Variants in LHFPL3 observed in about 807,000 individuals in gnomAD.
LHFPL3 encodes the protein LHFPL tetraspan subfamily member 3 protein.
Under a neutral mutation model 19.3 loss-of-function variants are expected in LHFPL3, and 5 were observed. The ratio of observed to expected loss-of-function variants is 0.26; its 90% CI spans 0.14 to 0.54. The LOEUF is 0.54. Among genes scored for constraint, LHFPL3 ranks in the 20% least tolerant of loss-of-function variants. The probability of loss-of-function intolerance (pLI) is 0.94; values close to 1 mark genes in which losing one functional copy is unlikely to be tolerated. For synonymous variants in LHFPL3, 133 were observed against 126.2 expected (o/e 1.05, Z -0.36); for missense variants, 249 against 307.4 (o/e 0.81, Z 1.42).
chr7:104,655,286 C>T (rs1792101982), intron 1 of LHFPL3, among the ~76,000 whole-genome samples: 2 of 152,184 alleles, frequency 1.3e-5, no homozygotes, highest in African/African-American at 2.4e-5. Flanking sequence ...TCAGTGCAAG[C>T]ATAGCTGGCA....
chr7:104,433,374 C>T (rs945927786), intron 1 of LHFPL3, among the ~76,000 whole-genome samples: 3 of 152,258 alleles, frequency 2.0e-5, no homozygotes, highest in South Asian at 2.1e-4. Flanking sequence ...AACCCACTCC[C>T]CCCAGGGCTC....
intron 1 of LHFPL3, among the ~76,000 whole-genome samples, chr7:104,657,427 C>A (rs554954828): frequency 4.9e-4 from 74 of 152,332 alleles, no homozygotes; most frequent in Non-Finnish European, 8.7e-4. Flanking sequence ...GGTTGAAATT[C>A]ATTCTGAAAA....
chr7:104,512,979 A>G (rs1377353298), intron 1 of LHFPL3, among the ~76,000 whole-genome samples: 5 of 152,188 alleles, frequency 3.3e-5, no homozygotes. Context: ...AACCCTAGGT[A>G]TAATTTGACA....
rs1322903098 is a variant in LHFPL3, at chr7:104,699,010, A to T, written c.446-37665A>T. Reference sequence around the variant, plus strand: ...AAGGTACCACTTCACATACAGTATAATTGGTATTATTTTTTAAAATGGAAA... The same window carrying T: ...AAGGTACCACTTCACATACAGTATATTTGGTATTATTTTTTAAAATGGAAA... On this transcript the variant is annotated intron_variant, in intron 1 of 2. Transcript: ENST00000424859. Among the ~76,000 whole-genome samples, 3 of 152,256 alleles carry T rather than the reference A, an allele frequency of 2.0e-5. No individual in the cohort carries two copies. The East Asian group carries it at 5.8e-4, about 29-fold the overall frequency.
In LHFPL3 at chr7:104,431,094, A is replaced by T. The variant is rs1364167893; in HGVS notation, c.445+101870A>T. ...TTTCCACAACTCCAATACTTCACCT[A>T]CTTATTGTTTTTTCTCTCTCTTTTC... On this transcript the variant is annotated intron_variant, in intron 1 of 2. Coordinates refer to ENST00000424859, the MANE Select transcript of LHFPL3 (RefSeq NM_199000.3). Among the ~76,000 whole-genome samples, 4 of 152,126 alleles carry T rather than the reference A, an allele frequency of 2.6e-5. 1 individual carries two copies. Among genetic ancestry groups the T allele is most frequent in the Admixed American group, 2.0e-4 (3 of 15,264 alleles).
intron 1 of LHFPL3, among the ~76,000 whole-genome samples, chr7:104,479,203 G>A (rs1194637120): frequency 1.3e-5 from 2 of 152,174 alleles, no homozygotes; most frequent in Non-Finnish European, 2.9e-5. Context: ...GCTAATCACT[G>A]TGTGCCCTTC....
intron 1 of LHFPL3, among the ~76,000 whole-genome samples, chr7:104,428,991 A>G (rs1271583768): frequency 6.6e-6 from 1 of 152,186 alleles, no homozygotes; most frequent in Non-Finnish European, 1.5e-5. Context: ...TCCACCCTGA[A>G]TTCTAAATGC....
At position 104,603,104 on chromosome 7, in the gene LHFPL3, TTCTTTCTTTCTTTC is replaced by T. The variant is rs1791009781; in HGVS notation, c.446-133569_446-133556del. Among the ~76,000 whole-genome samples, 7 of 141,578 alleles carry T rather than the reference TTCTTTCTTTCTTTC, an allele frequency of 4.9e-5. No individual in the cohort carries two copies. In the South Asian group the frequency reaches 1.4e-3, roughly 29 times the overall value. The allele number at this position is 141,578 out of a possible 152,430, so 92.9% of individuals were successfully genotyped here. A position where few individuals can be genotyped will look rare whatever the true frequency, so the allele number is the denominator to read the frequency against. On this transcript the variant is annotated intron_variant, in intron 1 of 2. Transcript: ENST00000424859. ...TTTCTTTCTTTCTTTCTTTCTTTCT[TTCTTTCTTTCTTTC>T]TTTCTTTCTTTCTTTTTTCCCTTCC...
rs1250564394 is a variant in LHFPL3 at position 104,669,623 on chromosome 7, C to T, written c.446-67052C>T. ...CTCCTAGTTTCTCTCCACCCTGGAA[C>T]ATTCGAGAGCAAATCAAAACCTCTA... On this transcript the variant is annotated intron_variant, in intron 1 of 2. Transcript: ENST00000424859. The T allele has an allele frequency of 3.3e-6, 5 of 1,517,944 alleles. No individual in the cohort carries two copies. In the East Asian group the frequency reaches 9.1e-5, roughly 28 times the overall value. 94.0% of individuals were successfully genotyped at this position (1,517,944 alleles called of 1,614,324 possible).
At chr7:104,395,132 G>T (rs1224723083) in intron 1 of LHFPL3, among the ~76,000 whole-genome samples, 1 of 151,992 alleles carries the variant, frequency 6.6e-6, no homozygotes, top group African/African-American at 2.4e-5. Context: ...GAGGAGGAGG[G>T]ATTCTAATGG....
chr7:104,885,376 T>A (rs1416187098), intron 2 of LHFPL3, among the ~76,000 whole-genome samples: 1 of 152,140 alleles, frequency 6.6e-6, no homozygotes, highest in African/African-American at 2.4e-5. Context: ...ACCTCTCCCT[T>A]GAATTCCAGA....
At chr7:104,430,405 C>CGTGT (rs1554393164) in intron 1 of LHFPL3, among the ~76,000 whole-genome samples, 9 of 22,454 alleles carry the variant, frequency 4.0e-4, no homozygotes, top group South Asian at 2.1e-3. Context: ...TATATATATA[C>CGTGT]ATATATATAT....
chr7:104,612,342 A>T (rs1279128433), intron 1 of LHFPL3, among the ~76,000 whole-genome samples: 1 of 152,162 alleles, frequency 6.6e-6, no homozygotes, highest in Non-Finnish European at 1.5e-5. Context: ...AAATGAGTCA[A>T]GTAATATCCT....
rs983783439 is a variant in LHFPL3, at chr7:104,759,901, C to G, written c.682+22990C>G. 4 of 152,316 alleles carry G rather than the reference C, an allele frequency of 2.6e-5. No homozygotes were observed. In the East Asian group the frequency reaches 7.7e-4, roughly 29 times the overall value. 9.4% of individuals were successfully genotyped at this position (152,316 alleles called of 1,614,324 possible). A position where few individuals can be genotyped will look rare whatever the true frequency, so the allele number is the denominator to read the frequency against. ...GCATGCCAAAGACTTGCCAAGGTCA[C>G]GCAGTGAGTGATAGCAAGGCTGGGA... On this transcript the variant is annotated intron_variant, in intron 2 of 2. Coordinates refer to ENST00000424859, the MANE Select transcript of LHFPL3 (RefSeq NM_199000.3).
chr7:104,801,566 G>GTTTTGT (rs745506025), intron 2 of LHFPL3, among the ~76,000 whole-genome samples: 1 of 151,960 alleles, frequency 6.6e-6, no homozygotes, highest in Non-Finnish European at 1.5e-5. Flanking sequence ...TGTTTGTTTT[G>GTTTTGT]TTTTGTTTTT....
chr7:104,495,010 T>A (rs1793433226), intron 1 of LHFPL3, among the ~76,000 whole-genome samples: 1 of 152,112 alleles, frequency 6.6e-6, no homozygotes, highest in Admixed American at 6.5e-5. Context: ...TCAATCCCCT[T>A]CCTCTTTCAA....
intron 2 of LHFPL3, among the ~76,000 whole-genome samples, chr7:104,748,502 A>G (rs1422151914): frequency 7.6e-6 from 1 of 130,838 alleles, no homozygotes; most frequent in Admixed American, 8.2e-5. Flanking sequence ...AAACCGCCTT[A>G]GGGCTGGAGG....
At chr7:104,491,956 A>G (rs1029921962) in intron 1 of LHFPL3, among the ~76,000 whole-genome samples, 4 of 152,172 alleles carry the variant, frequency 2.6e-5, no homozygotes, top group Non-Finnish European at 5.9e-5. Flanking sequence ...TAAAACAACT[A>G]TTCCTCATTC....
chr7:104,519,515 A>C (rs1281904992), intron 1 of LHFPL3, among the ~76,000 whole-genome samples: 1 of 152,184 alleles, frequency 6.6e-6, no homozygotes, highest in Non-Finnish European at 1.5e-5. Context: ...ATAAGATAGA[A>C]ACCAGTTTAG....
Sources: allele counts gnomAD v4.1 joint callset (sites outside exome capture counted in the v4.1 genomes callset), GRCh38; gene constraint gnomAD v4.1.1; transcripts MANE v1.5; gene names NCBI Gene and HGNC (gene_info 2026-07-23, HGNC 2026-07-21).